The following SFXN1 variants were observed in gnomAD, a reference collection of about 807,000 sequenced individuals.
SFXN1 encodes sideroflexin-1.
In SFXN1, 32 loss-of-function variants were observed where a neutral mutation model predicts 39.5. That is an observed-to-expected ratio of 0.81 (90% CI 0.61 to 1.09). The LOEUF is 1.09. Among genes scored for constraint, SFXN1 ranks in the 50% least tolerant of loss-of-function variants. The probability of loss-of-function intolerance (pLI) is 0.00; values close to 1 mark genes in which losing one functional copy is unlikely to be tolerated. For missense variants in SFXN1, 402 were observed against 407.1 expected (o/e 0.99, Z 0.11); for synonymous variants, 136 against 146.5 (o/e 0.93, Z 0.52).
rs33977399 is a variant in SFXN1 at position 175,511,864 on chromosome 5, C to CTCT, written c.511-247_511-246insTCT. Reference sequence around the variant, plus strand: ...GCATCTCTCTCTCTCTCTCTCTCTCCCCACTCCAAAGCCCATACTCCTGCA... The same window carrying CTCT: ...GCATCTCTCTCTCTCTCTCTCTCTCCTCTCCACTCCAAAGCCCATACTCCTGCA... On this transcript the variant is annotated intron_variant, in intron 5 of 10. Coordinates refer to ENST00000321442, the MANE Select transcript of SFXN1 (RefSeq NM_022754.7). Among the ~76,000 whole-genome samples, 611 of 130,130 alleles carry CTCT rather than the reference C, an allele frequency of 4.7e-3. 8 individuals are homozygous for CTCT. The highest frequency in any genetic ancestry group is 0.016 in the African/African-American group (566 of 35,320). The allele number at this position is 130,130 out of a possible 152,430, so 85.4% of individuals were successfully genotyped here. A position where few individuals can be genotyped will look rare whatever the true frequency, so the allele number is the denominator to read the frequency against.
chr5:175,494,156 G>A (rs1170932689), intron 2 of SFXN1, among the ~76,000 whole-genome samples: 1 of 152,118 alleles, frequency 6.6e-6, no homozygotes, highest in Non-Finnish European at 1.5e-5. Flanking sequence ...TTTTCCTCAG[G>A]TGAGGAAAAC....
At chr5:175,520,991 T>A (rs1204839901) in intron 8 of SFXN1, among the ~76,000 whole-genome samples, 2 of 151,986 alleles carry the variant, frequency 1.3e-5, no homozygotes, top group Admixed American at 6.6e-5. Flanking sequence ...ATGAACCTTT[T>A]CCCCAGAGGA....
chr5:175,481,504 C>T (rs1011331062), intron 1 of SFXN1, among the ~76,000 whole-genome samples: 2 of 152,096 alleles, frequency 1.3e-5, no homozygotes, highest in South Asian at 2.1e-4. Flanking sequence ...TTAGTAGAGA[C>T]GGGGTTTCAC....
rs762949815 is a variant in SFXN1 at position 175,516,696 on chromosome 5, C to A, written c.774+33C>A. 1.9e-6 allele frequency: 3 copies of A among 1,601,482 alleles called. No homozygotes were observed. In the African/African-American group the frequency reaches 4.0e-5, roughly 22 times the overall value. On this transcript the variant is annotated intron_variant, in intron 8 of 10. Transcript: ENST00000321442. ...GTGGTTCTTTTGTCATTTTCTCAACCCTTTTTATTTCTTTTCAGATTTCAA... is the reference window on the plus strand; with the variant it reads ...GTGGTTCTTTTGTCATTTTCTCAACACTTTTTATTTCTTTTCAGATTTCAA...
intron 1 of SFXN1, among the ~76,000 whole-genome samples, chr5:175,488,333 G>A (rs531182948): frequency 7.6e-5 from 11 of 144,138 alleles, no homozygotes; most frequent in South Asian, 2.2e-4. Context: ...ACGGAGTTTC[G>A]CTCTTGTTGC....
intron 8 of SFXN1, among the ~76,000 whole-genome samples, chr5:175,519,338 T>C (rs1335753650): frequency 2.0e-5 from 3 of 152,222 alleles, no homozygotes; most frequent in Admixed American, 1.3e-4. Flanking sequence ...TCCAGCCATT[T>C]CCTTCCTAGA....
chr5:175,479,782 C>G (rs1206620042), intron 1 of SFXN1, among the ~76,000 whole-genome samples: 1 of 152,146 alleles, frequency 6.6e-6, no homozygotes, highest in African/African-American at 2.4e-5. Flanking sequence ...TTTCTGCGCC[C>G]CCATAGCTTT....
chr5:175,481,231 A>G (rs1436025145), intron 1 of SFXN1, among the ~76,000 whole-genome samples: 1 of 152,228 alleles, frequency 6.6e-6, no homozygotes, highest in Non-Finnish European at 1.5e-5. Flanking sequence ...ATCCTAAGAT[A>G]CTGCTTAAGA....
Position 175,504,431 on chromosome 5 carries a change from C to A in SFXN1, c.165-4601C>A, listed in dbSNP as rs193160200. On this transcript the variant is annotated intron_variant, in intron 2 of 10. Transcript: ENST00000321442. ...CTCTACTACAAACACAAAAACTAACCGGGCGTGGTGGCGCACACCTGTAGT... is the reference window on the plus strand; with the variant it reads ...CTCTACTACAAACACAAAAACTAACAGGGCGTGGTGGCGCACACCTGTAGT... Among the ~76,000 whole-genome samples, 99 of 151,920 alleles carry A rather than the reference C, an allele frequency of 6.5e-4. No individual in the cohort carries two copies. In the East Asian group the frequency reaches 0.015, roughly 24 times the overall value.
chr5:175,482,302 C>T (rs560341671), intron 1 of SFXN1, among the ~76,000 whole-genome samples: 5 of 152,282 alleles, frequency 3.3e-5, no homozygotes, highest in Non-Finnish European at 5.9e-5. Context: ...AGCTTAATAA[C>T]GCAGTTATCA....
At chr5:175,514,014 C>T (rs1760632424) in intron 7 of SFXN1, among the ~76,000 whole-genome samples, 4 of 151,986 alleles carry the variant, frequency 2.6e-5, no homozygotes, top group Admixed American at 2.0e-4. Flanking sequence ...GCAGCCCTGG[C>T]GTTTCACACC....
chr5:175,508,355 A>T (rs759960541), intron 2 of SFXN1, among the ~76,000 whole-genome samples: 1 of 148,882 alleles, frequency 6.7e-6, no homozygotes, highest in Non-Finnish European at 1.5e-5. Context: ...CCTCCCAGGT[A>T]GCTGGGACCA....
At chr5:175,516,080 A>G (rs940008280) in intron 7 of SFXN1, among the ~76,000 whole-genome samples, 2 of 149,034 alleles carry the variant, frequency 1.3e-5, no homozygotes, top group Non-Finnish European at 2.9e-5. Context: ...GCGTAATGCA[A>G]GCAATGGGGA....
chr5:175,522,015 A>T (rs755274839), intron 9 of SFXN1, 47 bp downstream of exon 9: 1 of 1,489,594 alleles, frequency 6.7e-7, no homozygotes, highest in African/African-American at 1.4e-5. Context: ...TAAAATATAA[A>T]TACACAGCGT....
chr5:175,482,181 G>A (rs919915272), intron 1 of SFXN1, among the ~76,000 whole-genome samples: 4 of 152,234 alleles, frequency 2.6e-5, no homozygotes, highest in Admixed American at 1.3e-4. Context: ...ACAGTGGACA[G>A]CAGTGACTGA....
intron 2 of SFXN1, among the ~76,000 whole-genome samples, chr5:175,505,366 C>G (rs1760248613): frequency 6.6e-6 from 1 of 151,342 alleles, no homozygotes; most frequent in Non-Finnish European, 1.5e-5. Context: ...GAAACCCCAT[C>G]TCTACTAAAA....
intron 2 of SFXN1, among the ~76,000 whole-genome samples, chr5:175,496,138 T>G (rs142001241): frequency 1.8e-3 from 274 of 152,166 alleles, no homozygotes; most frequent in African/African-American, 6.1e-3. Context: ...CCTCAAGTGA[T>G]CCGCCCTCCT....
chr5:175,495,518 C>T (rs7724682), intron 2 of SFXN1, among the ~76,000 whole-genome samples: 29,877 of 152,082 alleles, frequency 0.2, 3,318 homozygotes, highest in South Asian at 0.35. Context: ...CACTTGAGGT[C>T]AGGAGTTTGA....
Position 175,496,702 on chromosome 5 carries a change from C to G in SFXN1, c.164+4435C>G, listed in dbSNP as rs114327693. 8.8e-3 allele frequency among the ~76,000 whole-genome samples: 1,341 copies of G among 152,174 alleles called. 15 individuals carry two copies. The highest frequency in any genetic ancestry group is 0.03 in the African/African-American group (1,242 of 41,504). The stretch of plus-strand genomic sequence containing the variant: ...ATGATATGACATCCCACTTAGAATA[C>G]CTGAAGCTTGCATGATGTAATTGTA... On this transcript the variant is annotated intron_variant, in intron 2 of 10. Transcript: ENST00000321442.
Sources: gnomAD v4.1 joint callset for allele counts (sites outside exome capture counted in the v4.1 genomes callset) on GRCh38, gnomAD v4.1.1 for gene constraint, MANE v1.5 for transcripts, NCBI Gene and HGNC (gene_info 2026-07-23, HGNC 2026-07-21) for gene names.